Variants in PRUNE2 observed in about 807,000 individuals in gnomAD.
The protein encoded by PRUNE2 is prune homolog 2 with BCH domain.
In PRUNE2, 164 loss-of-function variants were observed where a neutral mutation model predicts 252.0. The ratio of observed to expected loss-of-function variants is 0.65; its 90% CI spans 0.57 to 0.74. The LOEUF is 0.74. Ranked by LOEUF, PRUNE2 falls within the 30% of genes least tolerant of loss-of-function variation. PRUNE2 has a pLI of 0.00. For missense variants in PRUNE2, 3,495 were observed against 3,711.0 expected (o/e 0.94, Z 1.51); for synonymous variants, 1,292 against 1,350.2 (o/e 0.96, Z 0.94).
intron 6 of PRUNE2, among the ~76,000 whole-genome samples, chr9:76,810,129 C>G (rs1246047844): frequency 6.6e-6 from 1 of 152,208 alleles, no homozygotes; most frequent in Non-Finnish European, 1.5e-5. Flanking sequence ...AAACTGAAAA[C>G]TAGATTACAT....
At chr9:76,628,065 G>C (rs1467571748) in intron 16 of PRUNE2, among the ~76,000 whole-genome samples, 1 of 151,986 alleles carries the variant, frequency 6.6e-6, no homozygotes, top group African/African-American at 2.4e-5. Flanking sequence ...AATGATACTT[G>C]CCTGTTTTCT....
At chr9:76,812,715 A>T (rs2057437715) in intron 6 of PRUNE2, among the ~76,000 whole-genome samples, 1 of 152,170 alleles carries the variant, frequency 6.6e-6, no homozygotes, top group African/African-American at 2.4e-5. Context: ...AGAGAATGTG[A>T]CCGGAAGCAA....
At chr9:76,872,719 T>C (rs1411371484) in intron 1 of PRUNE2, among the ~76,000 whole-genome samples, 1 of 151,992 alleles carries the variant, frequency 6.6e-6, no homozygotes, top group Non-Finnish European at 1.5e-5. Flanking sequence ...ATGATGTCTG[T>C]GGTTTGTTTT....
chr9:76,754,040 A>G (rs1334468650), intron 6 of PRUNE2, among the ~76,000 whole-genome samples: 2 of 152,096 alleles, frequency 1.3e-5, no homozygotes, highest in Non-Finnish European at 2.9e-5. Flanking sequence ...GGCTAGTAGG[A>G]GGCAAAAGAT....
Position 76,809,887 on chromosome 9 carries a change from C to T in PRUNE2, c.756+13745G>A, listed in dbSNP as rs547162417. 2.6e-5 allele frequency among the ~76,000 whole-genome samples: 4 copies of T among 152,304 alleles called. No homozygotes were observed. The East Asian group carries it at 7.7e-4, about 29-fold the overall frequency. ...AGTGAGTACATGCATTCAAGCCCTC[C>T]TTGTCAACCCTGGTGTCCCAAGGAC... On this transcript the variant is annotated intron_variant, in intron 6 of 18. Coordinates refer to ENST00000376718, the MANE Select transcript of PRUNE2 (RefSeq NM_015225.3).
chr9:76,776,606 C>G (rs1167211028), intron 6 of PRUNE2, among the ~76,000 whole-genome samples: 1 of 150,014 alleles, frequency 6.7e-6, no homozygotes, highest in Admixed American at 6.7e-5. Flanking sequence ...CATCCGCCTC[C>G]CGAGTTCAAG....
intron 4 of PRUNE2, among the ~76,000 whole-genome samples, chr9:76,831,618 A>G (rs1041716858): frequency 3.3e-5 from 5 of 152,140 alleles, no homozygotes; most frequent in African/African-American, 1.2e-4. Flanking sequence ...TTTATATGAT[A>G]TTTTAACTGT....
At chr9:76,848,630 G>T (rs1336480591) in intron 3 of PRUNE2, among the ~76,000 whole-genome samples, 1 of 152,224 alleles carries the variant, frequency 6.6e-6, no homozygotes, top group African/African-American at 2.4e-5. Context: ...CTTGCAAATT[G>T]CCAAACTGTG....
chr9:76,706,057 C>A lies in PRUNE2; in HGVS notation c.6217G>T (p.Asp2073Tyr). ...TTCAAACTGAAGGGCTTCTTAGCATCTATCCACAAGTCAGGCGCGGCAGAG... is the reference window on the plus strand; with the variant it reads ...TTCAAACTGAAGGGCTTCTTAGCATATATCCACAAGTCAGGCGCGGCAGAG... ...LASAAPDLWI[D>Y]AKKPFSLKAD... The change falls in exon 8 of 19, where the codon GAT becomes TAT. Residue 2073 changes from aspartate (D) to tyrosine (Y), a missense_variant. By Grantham distance (160) the Asp-to-Tyr change is radical. Transcript: ENST00000376718. 4 of 1,614,054 alleles carry A rather than the reference C, an allele frequency of 2.5e-6. No homozygotes were observed. The highest frequency in any genetic ancestry group is 3.4e-6 in the Non-Finnish European group (4 of 1,179,904).
At chr9:76,791,570 T>G (rs926581438) in intron 6 of PRUNE2, among the ~76,000 whole-genome samples, 6 of 137,978 alleles carry the variant, frequency 4.3e-5, no homozygotes, top group Non-Finnish European at 6.3e-5. Context: ...CTGCACCAAT[T>G]ATCATTGGTA....
intron 6 of PRUNE2, chr9:76,819,665 A>C (rs2057920236): frequency 6.6e-6 from 1 of 152,248 alleles, no homozygotes; most frequent in Non-Finnish European, 1.5e-5. Flanking sequence ...AAAGTGATCA[A>C]GTCAGTGCAT....
In PRUNE2 at chr9:76,646,749, CTCTAGTGAACTT is replaced by C. The variant is rs1299377932; in HGVS notation, c.8558-1852_8558-1841del. On this transcript the variant is annotated intron_variant, in intron 11 of 18. Coordinates refer to ENST00000376718, the MANE Select transcript of PRUNE2 (RefSeq NM_015225.3). ...TGCTCTTGTACACACCCTCCTTTCC[CTCTAGTGAACTT>C]TCCATCCACCAGACCCTCTTCATCC... is the stretch of plus-strand genomic sequence containing the variant. Among the ~76,000 whole-genome samples, 4 of 152,150 alleles carry C rather than the reference CTCTAGTGAACTT, an allele frequency of 2.6e-5. No individual in the cohort carries two copies. The East Asian group carries it at 7.7e-4, about 29-fold the overall frequency.
chr9:76,854,610 C>G (rs1159592999), intron 1 of PRUNE2, among the ~76,000 whole-genome samples: 2 of 152,030 alleles, frequency 1.3e-5, no homozygotes, highest in Non-Finnish European at 2.9e-5. Context: ...GTCTGGCATG[C>G]AACATAAGCA....
chr9:76,615,097 C>G, intron 18 of PRUNE2: 2 of 986,562 alleles, frequency 2.0e-6, no homozygotes, highest in Non-Finnish European at 2.4e-6. Flanking sequence ...GTTAGCCTAC[C>G]TTACTGAGAT....
chr9:76,832,799 A>G (rs1482869177), intron 4 of PRUNE2, among the ~76,000 whole-genome samples: 1 of 152,026 alleles, frequency 6.6e-6, no homozygotes, highest in East Asian at 1.9e-4. Context: ...CAATTCAAGA[A>G]AAAAAGAGAC....
intron 1 of PRUNE2, among the ~76,000 whole-genome samples, chr9:76,880,290 T>C (rs2061703375): frequency 6.6e-6 from 1 of 152,196 alleles, no homozygotes; most frequent in Admixed American, 6.5e-5. Flanking sequence ...CTGTGAGGAA[T>C]CAAAGTCCTT....
chr9:76,711,180 C>A lies in PRUNE2; in HGVS notation c.1094G>T (p.Arg365Leu). The change falls in exon 8 of 19, where the codon CGG becomes CTG. Residue 365 changes from arginine to leucine, a missense_variant. Transcript: ENST00000376718. Reference sequence around the variant, plus strand: ...TGCCACGGCTTCTGTTGAGGATGTCCGGCTATTGGAGACCATCTCTGGACA... The same window carrying A: ...TGCCACGGCTTCTGTTGAGGATGTCAGGCTATTGGAGACCATCTCTGGACA... ...RRCPEMVSNS[R>L]TSSTEAVAGS... 1.4e-5 allele frequency: 23 copies of A among 1,613,904 alleles called. No homozygotes were observed. The highest frequency in any genetic ancestry group is 1.9e-5 in the Non-Finnish European group (23 of 1,179,866).
intron 2 of PRUNE2, among the ~76,000 whole-genome samples, chr9:76,853,877 T>G (rs1377793517): frequency 6.6e-6 from 1 of 152,204 alleles, no homozygotes; most frequent in Admixed American, 6.5e-5. Flanking sequence ...ATTGAAATAA[T>G]GTTTTATAAG....
chr9:76,792,987 A>C (rs1277876404), intron 6 of PRUNE2, among the ~76,000 whole-genome samples: 1 of 152,212 alleles, frequency 6.6e-6, no homozygotes, highest in African/African-American at 2.4e-5. Flanking sequence ...TTACTAGTCC[A>C]TTTTACTGGC....
Sources: gnomAD v4.1 joint callset for allele counts (sites outside exome capture counted in the v4.1 genomes callset) on GRCh38, gnomAD v4.1.1 for gene constraint, MANE v1.5 for transcripts, NCBI Gene and HGNC (gene_info 2026-07-23, HGNC 2026-07-21) for gene names.